The following DIAPH2 variants were observed in gnomAD, a reference collection of about 807,000 sequenced individuals.
DIAPH2 encodes the protein protein diaphanous homolog 2.
In DIAPH2, 35 loss-of-function variants were observed where a neutral mutation model predicts 92.7. The observed-to-expected ratio is 0.38, with a 90% CI of 0.29 to 0.50. The LOEUF (loss-of-function observed/expected upper bound fraction) is 0.50. DIAPH2 is among the 20% of genes least tolerant of loss of function. The probability of loss-of-function intolerance (pLI) is 0.94; values close to 1 mark genes in which losing one functional copy is unlikely to be tolerated. For synonymous variants in DIAPH2, 301 were observed against 280.4 expected, an observed-to-expected ratio of 1.07 and a Z score of -0.73; for missense variants, 701 against 819.5, an observed-to-expected ratio of 0.86 and a Z score of 1.77.
chrX:97,334,771 A>G (rs2147672006), intron 23 of DIAPH2, among the ~76,000 whole-genome samples: 1 of 108,202 alleles, frequency 9.2e-6, no homozygotes, highest in Admixed American at 1.0e-4. Context: ...TCACAAGGTC[A>G]GGAGTTTGAG....
intron 26 of DIAPH2, among the ~76,000 whole-genome samples, chrX:97,473,380 G>T (rs2070578457): frequency 9.0e-6 from 1 of 111,246 alleles, no homozygotes. Flanking sequence ...TGTCGCCCAG[G>T]CTGGAGTGCA....
Position 97,603,286 on chromosome X carries a change from C to T in DIAPH2, c.*3969C>T, listed in dbSNP as rs1175272144. On this transcript the variant is annotated 3_prime_UTR_variant, in exon 27 of 27. Coordinates refer to ENST00000324765, the MANE Select transcript of DIAPH2 (RefSeq NM_006729.5). ...TTTTTTAATGTATTAGAGATGAGGT[C>T]TCACTCTGTCACCCAGGCTGCAGTG... is the stretch of plus-strand genomic sequence containing the variant. 1 of 110,323 alleles carries T rather than the reference C, an allele frequency of 9.1e-6. No individual in the cohort carries two copies. The highest frequency in any genetic ancestry group is 3.3e-5 in the African/African-American group (1 of 30,254). The allele number at this position is 110,323 out of a possible 1,213,427, so 9.1% of individuals were successfully genotyped here. A position where few individuals can be genotyped will look rare whatever the true frequency, so the allele number is the denominator to read the frequency against.
intron 22 of DIAPH2, among the ~76,000 whole-genome samples, chrX:97,147,799 A>G (rs1181302248): frequency 2.7e-5 from 3 of 111,088 alleles, no homozygotes; most frequent in Non-Finnish European, 5.7e-5. Flanking sequence ...ACAATCAACT[A>G]TACCTTTTGA....
At chrX:97,527,581 G>A (rs750158560) in intron 26 of DIAPH2, among the ~76,000 whole-genome samples, 8 of 112,223 alleles carry the variant, frequency 7.1e-5, no homozygotes, top group African/African-American at 2.3e-4. Flanking sequence ...TATAAATGGT[G>A]GTTGGGCTCC....
chrX:97,594,607 C>G (rs1429009602), intron 26 of DIAPH2, among the ~76,000 whole-genome samples: 1 of 112,837 alleles, frequency 8.9e-6, no homozygotes, highest in African/African-American at 3.2e-5. Flanking sequence ...TTGCCAGAAA[C>G]AATGCCTGAC....
At position 97,158,592 on chromosome X, in the gene DIAPH2, A is replaced by AT. The variant is rs748684952; in HGVS notation, c.2719+16804dup. ...TGACTCAAGTGCTTGGTTTCCTCTG[A>AT]TTTTTTAATTATTTGCATGAAAGAA... On this transcript the variant is annotated intron_variant, in intron 22 of 26. Transcript: ENST00000324765. Among the ~76,000 whole-genome samples, 535 of 112,224 alleles carry AT rather than the reference A, an allele frequency of 4.8e-3. 2 individuals are homozygous for AT. Among genetic ancestry groups the AT allele is most frequent in the Non-Finnish European group, 8.7e-3 (465 of 53,254 alleles).
At chrX:96,962,290 TATATATATAC>T (rs1391215520) in intron 16 of DIAPH2, among the ~76,000 whole-genome samples, 12 of 60,901 alleles carry the variant, frequency 2.0e-4, no homozygotes, top group Admixed American at 9.2e-4. Flanking sequence ...TATATACATA[TATATATATAC>T]ATATATATAT....
intron 4 of DIAPH2, among the ~76,000 whole-genome samples, chrX:96,807,107 A>G (rs1276920792): frequency 8.9e-6 from 1 of 112,045 alleles, no homozygotes; most frequent in Non-Finnish European, 1.9e-5. Flanking sequence ...TTAGCCAATT[A>G]TATACATTTT....
intron 26 of DIAPH2, among the ~76,000 whole-genome samples, chrX:97,461,781 AT>A (rs763171368): frequency 1.9e-4 from 21 of 111,679 alleles, no homozygotes; most frequent in Middle Eastern, 4.6e-3. Context: ...GGATATTGCC[AT>A]CTTCCTCTAG....
At chrX:96,877,709 T>C (rs1439973088) in intron 4 of DIAPH2, among the ~76,000 whole-genome samples, 1 of 112,335 alleles carries the variant, frequency 8.9e-6, no homozygotes, top group Non-Finnish European at 1.9e-5. Flanking sequence ...TCTTAGAATA[T>C]TGCTTCTCTG....
chrX:97,123,071 G>A (rs1401756645), intron 21 of DIAPH2, among the ~76,000 whole-genome samples: 2 of 111,757 alleles, frequency 1.8e-5, no homozygotes, highest in South Asian at 3.7e-4. Flanking sequence ...AAGAATATTC[G>A]CTATAGTTTA....
At chrX:97,314,632 G>A (rs1464360819) in intron 23 of DIAPH2, among the ~76,000 whole-genome samples, 1 of 111,630 alleles carries the variant, frequency 9.0e-6, no homozygotes, top group Non-Finnish European at 1.9e-5. Flanking sequence ...TTATCTTTTT[G>A]CCTGACTAGT....
intron 22 of DIAPH2, among the ~76,000 whole-genome samples, chrX:97,187,936 T>C (rs1171029988): frequency 9.0e-6 from 1 of 111,634 alleles, no homozygotes; most frequent in Non-Finnish European, 1.9e-5. Flanking sequence ...CCTAGAGCTA[T>C]TGAGGTTGGA....
intron 4 of DIAPH2, among the ~76,000 whole-genome samples, chrX:96,810,264 A>G (rs777919072): frequency 0.013 from 1,418 of 111,862 alleles, 23 homozygotes; most frequent in African/African-American, 0.044. Flanking sequence ...TTCTCTGATG[A>G]CCAGTGATGA....
intron 4 of DIAPH2, among the ~76,000 whole-genome samples, chrX:96,811,833 T>G (rs1005306785): frequency 1.1e-4 from 12 of 111,849 alleles, no homozygotes; most frequent in Admixed American, 3.8e-4. Context: ...TTATTGATTT[T>G]CGTATGTTGA....
intron 15 of DIAPH2, among the ~76,000 whole-genome samples, chrX:96,955,413 T>C (rs1461447033): frequency 9.0e-6 from 1 of 111,706 alleles, no homozygotes; most frequent in East Asian, 2.8e-4. Context: ...AGCTAAACCA[T>C]ATCATTCCAC....
chrX:96,872,873 G>C lies in DIAPH2; in HGVS notation c.448-8706G>C, dbSNP rs773901656. The stretch of plus-strand genomic sequence containing the variant: ...CCAAATCTTGGCTATTGTGAATACT[G>C]CTGCAATAAATATGGGAGTGCAGAT... On this transcript the variant is annotated intron_variant, in intron 4 of 26. Coordinates refer to ENST00000324765, the MANE Select transcript of DIAPH2 (RefSeq NM_006729.5). Among the ~76,000 whole-genome samples the C allele has an allele frequency of 4.5e-5, 5 of 111,756 alleles. No homozygotes were observed. The South Asian group carries it at 1.9e-3, about 42-fold the overall frequency.
intron 26 of DIAPH2, among the ~76,000 whole-genome samples, chrX:97,526,499 C>G (rs1219885857): frequency 9.2e-6 from 1 of 109,269 alleles, no homozygotes; most frequent in Non-Finnish European, 1.9e-5. Flanking sequence ...CCATTTAGCA[C>G]TTGGTAACAA....
chrX:96,935,825 T>C (rs1458225744), intron 10 of DIAPH2, among the ~76,000 whole-genome samples: 1 of 112,015 alleles, frequency 8.9e-6, no homozygotes, highest in Admixed American at 9.5e-5. Flanking sequence ...TTTCTGTTTT[T>C]CTGAAATATT....
Sources: allele counts gnomAD v4.1 joint callset (sites outside exome capture counted in the v4.1 genomes callset), GRCh38; gene constraint gnomAD v4.1.1; transcripts MANE v1.5; gene names NCBI Gene and HGNC (gene_info 2026-07-23, HGNC 2026-07-21).